The following PLCL1 variants were observed in gnomAD, a reference collection of about 807,000 sequenced individuals.
PLCL1 encodes the protein inactive phospholipase C-like protein 1.
In PLCL1, 41 loss-of-function variants were observed where a neutral mutation model predicts 84.4. The ratio of observed to expected loss-of-function variants is 0.49; its 90% CI spans 0.38 to 0.63. The LOEUF (loss-of-function observed/expected upper bound fraction) is 0.63. PLCL1 is among the 30% of genes least tolerant of loss of function. The pLI is 0.00. For synonymous variants in PLCL1, 490 were observed against 488.3 expected (o/e 1.00, Z -0.05); for missense variants, 1,206 against 1,367.8 (o/e 0.88, Z 1.87).
chr2:198,024,106 G>A (rs1691205873), intron 1 of PLCL1, among the ~76,000 whole-genome samples: 1 of 152,208 alleles, frequency 6.6e-6, no homozygotes, highest in Non-Finnish European at 1.5e-5. Context: ...CAGGGACATG[G>A]ATGAAACTGG....
At chr2:198,107,776 T>C (rs926497822) in intron 5 of PLCL1, among the ~76,000 whole-genome samples, 6 of 151,886 alleles carry the variant, frequency 4.0e-5, no homozygotes, top group African/African-American at 1.2e-4. Context: ...TCAGACAGAA[T>C]TGATTTTCTA....
At chr2:198,082,135 G>T (rs917812364) in intron 1 of PLCL1, among the ~76,000 whole-genome samples, 1 of 152,128 alleles carries the variant, frequency 6.6e-6, no homozygotes, top group African/African-American at 2.4e-5. Context: ...CCTTTCAAGC[G>T]CTTACAGTTT....
At chr2:197,847,441 G>T (rs1650890052) in intron 1 of PLCL1, among the ~76,000 whole-genome samples, 1 of 152,118 alleles carries the variant, frequency 6.6e-6, no homozygotes, top group South Asian at 2.1e-4. Flanking sequence ...TAGAGAGAAT[G>T]GCTTTTATTT....
At position 197,916,876 on chromosome 2, in the gene PLCL1, G is replaced by A. The variant is rs112875595; in HGVS notation, c.240+111537G>A. 3.5e-4 allele frequency among the ~76,000 whole-genome samples: 53 copies of A among 152,136 alleles called. 3 individuals carry two copies. Among genetic ancestry groups the A allele is most frequent in the African/African-American group, 1.2e-3 (51 of 41,512 alleles). ...GAAAGATGTCATTTTTGTCATTAGG[G>A]AATTGCAAATTAGACAAGATTAGGC... On this transcript the variant is annotated intron_variant, in intron 1 of 5. Coordinates refer to ENST00000428675, the MANE Select transcript of PLCL1 (RefSeq NM_006226.4).
At chr2:197,824,361 C>T (rs1257646653) in intron 1 of PLCL1, among the ~76,000 whole-genome samples, 3 of 147,772 alleles carry the variant, frequency 2.0e-5, no homozygotes, top group Non-Finnish European at 4.5e-5. Context: ...CTTCATACTC[C>T]TTTTTTTTTT....
At chr2:197,865,204 G>A (rs1036798619) in intron 1 of PLCL1, among the ~76,000 whole-genome samples, 8 of 152,124 alleles carry the variant, frequency 5.3e-5, no homozygotes, top group African/African-American at 7.2e-5. Flanking sequence ...GGGAGATCTC[G>A]CCTGGTCCTG....
At chr2:197,980,040 G>A (rs1173506845) in intron 1 of PLCL1, among the ~76,000 whole-genome samples, 1 of 152,162 alleles carries the variant, frequency 6.6e-6, no homozygotes, top group Non-Finnish European at 1.5e-5. Context: ...GGGCAGGGAG[G>A]GGACCAAATT....
chr2:197,940,151 G>GAT (rs1333561211), intron 1 of PLCL1, among the ~76,000 whole-genome samples: 1 of 152,056 alleles, frequency 6.6e-6, no homozygotes, highest in Non-Finnish European at 1.5e-5. Context: ...TTTAATGAAA[G>GAT]ATATATATTT....
chr2:197,996,768 A>G (rs1387164135), intron 1 of PLCL1, among the ~76,000 whole-genome samples: 1 of 152,184 alleles, frequency 6.6e-6, no homozygotes, highest in African/African-American at 2.4e-5. Flanking sequence ...TGAACAAATC[A>G]CTAGTTATCA....
chr2:197,985,242 C>G (rs1690198087), intron 1 of PLCL1, among the ~76,000 whole-genome samples: 1 of 152,144 alleles, frequency 6.6e-6, no homozygotes, highest in African/African-American at 2.4e-5. Flanking sequence ...GTCTCAGTTT[C>G]TTTACTTGTC....
intron 5 of PLCL1, among the ~76,000 whole-genome samples, chr2:198,125,369 T>C (rs116445129): frequency 0.013 from 1,948 of 152,222 alleles, 41 homozygotes; most frequent in African/African-American, 0.043. Context: ...AACTAGGGGA[T>C]TTTTATATTT....
intron 1 of PLCL1, among the ~76,000 whole-genome samples, chr2:197,855,517 T>G (rs1687315384): frequency 6.6e-6 from 1 of 152,200 alleles, no homozygotes; most frequent in Non-Finnish European, 1.5e-5. Flanking sequence ...TCTTTCCACC[T>G]TTTCTGATAG....
intron 1 of PLCL1, among the ~76,000 whole-genome samples, chr2:197,955,219 T>C (rs1410731470): frequency 6.6e-6 from 1 of 151,992 alleles, no homozygotes; most frequent in Non-Finnish European, 1.5e-5. Flanking sequence ...ACTCATCAGA[T>C]AGATCAAACC....
intron 1 of PLCL1, among the ~76,000 whole-genome samples, chr2:197,916,423 C>G (rs1362004118): frequency 6.6e-6 from 1 of 152,036 alleles, no homozygotes; most frequent in Non-Finnish European, 1.5e-5. Flanking sequence ...TTAATGTTCT[C>G]TAGTTTTCAG....
intron 1 of PLCL1, chr2:197,810,275 A>G (rs1394023130): frequency 7.9e-7 from 1 of 1,269,764 alleles, no homozygotes; most frequent in South Asian, 1.3e-5. Context: ...GGTCTTTCTG[A>G]TGTGATTTCT....
At chr2:197,895,229 T>A (rs764552489) in intron 1 of PLCL1, among the ~76,000 whole-genome samples, 4 of 151,918 alleles carry the variant, frequency 2.6e-5, no homozygotes, top group Non-Finnish European at 5.9e-5. Context: ...TCCACTGACA[T>A]CTCTCCCCAT....
At chr2:198,051,240 G>A (rs879903797) in intron 1 of PLCL1, among the ~76,000 whole-genome samples, 17 of 151,982 alleles carry the variant, frequency 1.1e-4, no homozygotes, top group South Asian at 2.1e-4. Context: ...GGTTCTATGG[G>A]GACTTTAAAA....
chr2:197,885,318 C>A (rs1687899802), intron 1 of PLCL1, among the ~76,000 whole-genome samples: 1 of 152,062 alleles, frequency 6.6e-6, no homozygotes, highest in South Asian at 2.1e-4. Context: ...CAGTCTGAGT[C>A]CGAAGGCTGA....
intron 1 of PLCL1, among the ~76,000 whole-genome samples, chr2:197,905,587 T>C (rs893736042): frequency 6.6e-6 from 1 of 152,242 alleles, no homozygotes; most frequent in African/African-American, 2.4e-5. Flanking sequence ...AATAGAATGA[T>C]TTATAATCCT....
Sources: allele counts gnomAD v4.1 joint callset (sites outside exome capture counted in the v4.1 genomes callset), GRCh38; gene constraint gnomAD v4.1.1; transcripts MANE v1.5; gene names NCBI Gene and HGNC (gene_info 2026-07-23, HGNC 2026-07-21).